The following BST1 variants were observed in gnomAD, a reference collection of about 807,000 sequenced individuals.
The protein encoded by BST1 is ADP-ribosyl cyclase/cyclic ADP-ribose hydrolase 2.
Under a neutral mutation model 40.6 loss-of-function variants are expected in BST1, and 49 were observed. That is an observed-to-expected ratio of 1.21 (90% CI 0.96 to 1.53). The LOEUF is 1.53. Among genes scored for constraint, BST1 ranks in the 40% most tolerant of loss-of-function variants. BST1 has a pLI of 0.00. For synonymous variants in BST1, 157 were observed against 159.3 expected (o/e 0.99, Z 0.11); for missense variants, 423 against 395.9 (o/e 1.07, Z -0.58).
chr4:15,751,673 AGTATAT>A, the BST1 span, among the ~76,000 whole-genome samples: 4 of 151,870 alleles, frequency 2.6e-5, no homozygotes, highest in African/African-American at 9.7e-5. Context: ...ATATTTATAT[AGTATAT>A]GTATATCTTA....
the BST1 span, among the ~76,000 whole-genome samples, chr4:15,761,875 G>A: frequency 6.6e-6 from 1 of 151,916 alleles, no homozygotes; most frequent in Non-Finnish European, 1.5e-5. Context: ...TCGTGTTTAT[G>A]TGCTATTTTC....
chr4:15,763,055 C>CT, the BST1 span, among the ~76,000 whole-genome samples: 1 of 151,886 alleles, frequency 6.6e-6, no homozygotes, highest in Non-Finnish European at 1.5e-5. Context: ...AAAAACCATG[C>CT]ATTACACTAT....
chr4:15,754,806 C>T, the BST1 span, among the ~76,000 whole-genome samples: 1 of 152,344 alleles, frequency 6.6e-6, no homozygotes, highest in Admixed American at 6.5e-5. Flanking sequence ...CTCATTCCCA[C>T]TCCTGTCCCC....
At chr4:15,770,621 G>C in the BST1 span, among the ~76,000 whole-genome samples, 1 of 152,098 alleles carries the variant, frequency 6.6e-6, no homozygotes, top group Admixed American at 6.5e-5. Context: ...AATCGCTTGA[G>C]CCCGGGAGGC....
chr4:15,718,427 T>C lies in BST1; in HGVS notation c.705-480T>C, dbSNP rs138087677. Among the ~76,000 whole-genome samples, 99 of 152,324 alleles carry C rather than the reference T, an allele frequency of 6.5e-4. No homozygotes were observed. In the East Asian group the frequency reaches 0.013, roughly 20 times the overall value. On this transcript the variant is annotated intron_variant, in intron 6 of 8. Coordinates refer to ENST00000265016, the MANE Select transcript of BST1 (RefSeq NM_004334.3). The stretch of plus-strand genomic sequence containing the variant: ...ACCAAAATGTTAACAGAGCTATCTC[T>C]AGGGGTGTGAGATTTGGGGTAATTT...
chr4:15,768,200 T>C, the BST1 span, among the ~76,000 whole-genome samples: 1 of 152,210 alleles, frequency 6.6e-6, no homozygotes, highest in Non-Finnish European at 1.5e-5. Flanking sequence ...GAGCAGCGGT[T>C]CCGATTCTAG....
intron 4 of BST1, among the ~76,000 whole-genome samples, chr4:15,714,889 A>G (rs1323805207): frequency 1.3e-5 from 2 of 152,218 alleles, no homozygotes; most frequent in African/African-American, 4.8e-5. Context: ...GTGTCCCAGA[A>G]TGAGGACACT....
At chr4:15,760,538 G>A in the BST1 span, among the ~76,000 whole-genome samples, 1 of 151,740 alleles carries the variant, frequency 6.6e-6, no homozygotes, top group African/African-American at 2.4e-5. Flanking sequence ...TTTTTGTCTG[G>A]TTTGTTCATC....
chr4:15,711,941 A>T (rs1438561960), intron 4 of BST1, 52 bp downstream of exon 4: 1 of 1,506,066 alleles, frequency 6.6e-7, no homozygotes, highest in Non-Finnish European at 9.2e-7. Flanking sequence ...ACCCATAGAG[A>T]TGGAACATAG....
At chr4:15,738,643 A>G (rs1468976403), downstream of BST1, among the ~76,000 whole-genome samples, 4 of 152,250 alleles carry the variant, frequency 2.6e-5, no homozygotes, top group Admixed American at 2.6e-4. Flanking sequence ...GCCAGCTGAT[A>G]GCTTACCTGT....
chr4:15,768,713 G>T, the BST1 span, among the ~76,000 whole-genome samples: 14 of 151,258 alleles, frequency 9.3e-5, no homozygotes, highest in African/African-American at 3.4e-4. Context: ...AGCCAGGATG[G>T]TCTCGATCTC....
At position 15,724,245 on chromosome 4, in the gene BST1, C is replaced by T. The variant is rs565078357; in HGVS notation, c.851+1311C>T. Among the ~76,000 whole-genome samples, 182 of 152,334 alleles carry T rather than the reference C, an allele frequency of 1.2e-3. 2 individuals are homozygous for T. The highest frequency in any genetic ancestry group is 4.0e-3 in the African/African-American group (168 of 41,576). On this transcript the variant is annotated intron_variant, in intron 8 of 8. Coordinates refer to ENST00000265016, the MANE Select transcript of BST1 (RefSeq NM_004334.3). Reference sequence around the variant, plus strand: ...CTCTTAGTATTTTTCATTACAGTTGCACATAGTAGGTGCACCATCTATGCC... The same window carrying T: ...CTCTTAGTATTTTTCATTACAGTTGTACATAGTAGGTGCACCATCTATGCC...
chr4:15,759,486 T>G, the BST1 span, among the ~76,000 whole-genome samples: 1 of 151,702 alleles, frequency 6.6e-6, no homozygotes, highest in Non-Finnish European at 1.5e-5. Context: ...TCTGCTCCAT[T>G]TCCTCCTTCA....
intron 8 of BST1, chr4:15,723,603 G>T: frequency 4.1e-6 from 4 of 985,306 alleles, no homozygotes; most frequent in Non-Finnish European, 4.8e-6. Flanking sequence ...GTTGTATGTT[G>T]TTATAGTAGT....
chr4:15,704,933 A>G (rs1316998409), intron 1 of BST1: 1 of 775,856 alleles, frequency 1.3e-6, no homozygotes, highest in Non-Finnish European at 2.4e-6. Flanking sequence ...AATAAGAAAC[A>G]GCAGAGAACC....
the BST1 span, among the ~76,000 whole-genome samples, chr4:15,751,857 C>T: frequency 1.4e-4 from 21 of 152,180 alleles, no homozygotes; most frequent in Middle Eastern, 3.4e-3. Context: ...AGTCTCTTTT[C>T]TCATCACAGC....
At chr4:15,746,363 A>G in the BST1 span, among the ~76,000 whole-genome samples, 1 of 152,242 alleles carries the variant, frequency 6.6e-6, no homozygotes, top group Non-Finnish European at 1.5e-5. Flanking sequence ...CTCCTATAAC[A>G]TAATACCATA....
intron 2 of BST1, among the ~76,000 whole-genome samples, chr4:15,706,406 C>T (rs1295947407): frequency 2.0e-5 from 3 of 152,162 alleles, no homozygotes; most frequent in Admixed American, 6.5e-5. Context: ...AGTATCCTCC[C>T]GGGAGACCAG....
At chr4:15,751,805 A>G in the BST1 span, among the ~76,000 whole-genome samples, 1 of 152,098 alleles carries the variant, frequency 6.6e-6, no homozygotes, top group Non-Finnish European at 1.5e-5. Context: ...ATAAATATAC[A>G]CTGTAGTCAC....
Sources: allele counts gnomAD v4.1 joint callset (sites outside exome capture counted in the v4.1 genomes callset), GRCh38; gene constraint gnomAD v4.1.1; transcripts MANE v1.5; gene names NCBI Gene and HGNC (gene_info 2026-07-23, HGNC 2026-07-21).